NRXN3: variants seen among roughly 807,000 people sequenced by gnomAD.
The protein encoded by NRXN3 is neurexin III.
In NRXN3, 32 loss-of-function variants were observed where a neutral mutation model predicts 137.6. The ratio of observed to expected loss-of-function variants is 0.23; its 90% CI spans 0.18 to 0.31. The LOEUF (loss-of-function observed/expected upper bound fraction) is 0.31. NRXN3 is among the 10% of genes least tolerant of loss of function. The pLI is 1.00. For missense variants in NRXN3, 1,574 were observed against 2,062.5 expected (o/e 0.76, Z 4.59); for synonymous variants, 798 against 784.5 (o/e 1.02, Z -0.29).
intron 16 of NRXN3, among the ~76,000 whole-genome samples, chr14:79,478,342 A>G (rs1015994982): frequency 6.6e-6 from 1 of 152,018 alleles, no homozygotes; most frequent in East Asian, 1.9e-4. Flanking sequence ...GAGACTTCCA[A>G]ACACAAGTTG....
intron 20 of NRXN3, among the ~76,000 whole-genome samples, chr14:79,860,104 C>G (rs2099411193): frequency 6.6e-6 from 1 of 152,146 alleles, no homozygotes; most frequent in Admixed American, 6.6e-5. Flanking sequence ...ATGAACTATT[C>G]TGAGCTTTCT....
At chr14:78,178,248 A>G (rs1261913867) in intron 1 of NRXN3, among the ~76,000 whole-genome samples, 1 of 152,178 alleles carries the variant, frequency 6.6e-6, no homozygotes, top group Non-Finnish European at 1.5e-5. Flanking sequence ...TGGAAACTTG[A>G]TTCTAAGAGC....
intron 15 of NRXN3, chr14:79,279,428 G>C (rs948758209): frequency 3.0e-6 from 3 of 986,028 alleles, no homozygotes; most frequent in Non-Finnish European, 3.6e-6. Flanking sequence ...GCAGGCGCCC[G>C]CCCGCCTCTC....
chr14:78,184,349 C>T (rs1027802233), intron 1 of NRXN3, among the ~76,000 whole-genome samples: 1 of 152,342 alleles, frequency 6.6e-6, no homozygotes, highest in Non-Finnish European at 1.5e-5. Flanking sequence ...TTTTCCACAA[C>T]AGCCACTCAT....
chr14:79,255,880 G>GT (rs2076504120), intron 15 of NRXN3, among the ~76,000 whole-genome samples: 1 of 152,164 alleles, frequency 6.6e-6, no homozygotes, highest in Admixed American at 6.6e-5. Context: ...GGGAAAGAAG[G>GT]TGATTTTGCC....
At chr14:79,265,894 T>C (rs903360258) in intron 15 of NRXN3, among the ~76,000 whole-genome samples, 2 of 152,182 alleles carry the variant, frequency 1.3e-5, no homozygotes, top group African/African-American at 4.8e-5. Flanking sequence ...TCCTAGGGAA[T>C]CTACAGTAAA....
At chr14:78,584,245 AG>A (rs2097035742) in intron 4 of NRXN3, among the ~76,000 whole-genome samples, 1 of 152,182 alleles carries the variant, frequency 6.6e-6, no homozygotes, top group South Asian at 2.1e-4. Flanking sequence ...AGATTGAACA[AG>A]CAGAAATTCA....
intron 16 of NRXN3, among the ~76,000 whole-genome samples, chr14:79,618,399 T>G (rs1488426537): frequency 6.6e-6 from 1 of 152,106 alleles, no homozygotes; most frequent in Non-Finnish European, 1.5e-5. Context: ...TGTTCATGAG[T>G]ACTCATAGTT....
At chr14:79,353,554 A>T (rs1234065593) in intron 15 of NRXN3, among the ~76,000 whole-genome samples, 1 of 152,190 alleles carries the variant, frequency 6.6e-6, no homozygotes, top group African/African-American at 2.4e-5. Context: ...AAAAAAATGA[A>T]GTGTAATATT....
Position 78,242,988 on chromosome 14 carries a change from C to A in NRXN3, c.-106C>A. ...CCTTCCTCCTGTGTGCTTTCTGTCC[C>A]CCCATCTCTGTCTTGTCTTTCCCAC... On this transcript the variant is annotated 5_prime_UTR_variant, in exon 2 of 21. Coordinates refer to ENST00000335750, the MANE Select transcript of NRXN3 (RefSeq NM_001330195.2). 1 of 755,370 alleles carries A rather than the reference C, an allele frequency of 1.3e-6. No individual in the cohort carries two copies. 46.8% of individuals were successfully genotyped at this position (755,370 alleles called of 1,614,324 possible). A position where few individuals can be genotyped will look rare whatever the true frequency, so the allele number is the denominator to read the frequency against.
chr14:78,338,266 A>G (rs1359967852), intron 4 of NRXN3, among the ~76,000 whole-genome samples: 1 of 152,222 alleles, frequency 6.6e-6, no homozygotes, highest in Non-Finnish European at 1.5e-5. Context: ...ATGAAAATGA[A>G]AAAAACAAAA....
At chr14:79,483,971 C>T (rs757240077) in intron 16 of NRXN3, among the ~76,000 whole-genome samples, 2 of 152,274 alleles carry the variant, frequency 1.3e-5, no homozygotes, top group South Asian at 4.1e-4. Flanking sequence ...TGTGGGTGTC[C>T]ATATGGAAGT....
intron 15 of NRXN3, among the ~76,000 whole-genome samples, chr14:79,123,975 A>G (rs1480080776): frequency 6.6e-6 from 1 of 152,146 alleles, no homozygotes; most frequent in Non-Finnish European, 1.5e-5. Context: ...ATGTAATGGG[A>G]TGGCTGTATC....
chr14:79,634,619 A>G (rs1220585286), intron 16 of NRXN3, among the ~76,000 whole-genome samples: 1 of 152,144 alleles, frequency 6.6e-6, no homozygotes, highest in Non-Finnish European at 1.5e-5. Context: ...TGGAGACTCA[A>G]AGCGGTTAAG....
intron 19 of NRXN3, among the ~76,000 whole-genome samples, chr14:79,789,490 T>C (rs763583673): frequency 6.6e-6 from 1 of 152,122 alleles, no homozygotes; most frequent in Non-Finnish European, 1.5e-5. Flanking sequence ...AATAAAAGAT[T>C]GGCTACTTCA....
chr14:79,541,861 C>T (rs953036371), intron 16 of NRXN3, among the ~76,000 whole-genome samples: 3 of 152,108 alleles, frequency 2.0e-5, no homozygotes, highest in Non-Finnish European at 4.4e-5. Flanking sequence ...TTGGAGAAAA[C>T]CTATTGTAGG....
intron 15 of NRXN3, among the ~76,000 whole-genome samples, chr14:79,110,992 G>A (rs2620395): frequency 0.028 from 4,329 of 151,980 alleles, 205 homozygotes; most frequent in African/African-American, 0.099. Flanking sequence ...GGGTTTCACC[G>A]TGTTAGCCAG....
At chr14:79,183,496 A>G (rs78756191) in intron 15 of NRXN3, among the ~76,000 whole-genome samples, 5,784 of 152,340 alleles carry the variant, frequency 0.038, 252 homozygotes, top group East Asian at 0.22. Flanking sequence ...CACATCTGAC[A>G]AATGCTCAGT....
chr14:78,182,883 A>G (rs1188430476), intron 1 of NRXN3, among the ~76,000 whole-genome samples: 1 of 152,212 alleles, frequency 6.6e-6, no homozygotes, highest in African/African-American at 2.4e-5. Context: ...GACTTTCGAT[A>G]GGAAGCAGCT....
Sources: allele counts gnomAD v4.1 joint callset (sites outside exome capture counted in the v4.1 genomes callset), GRCh38; gene constraint gnomAD v4.1.1; transcripts MANE v1.5; gene names NCBI Gene and HGNC (gene_info 2026-07-23, HGNC 2026-07-21).